Variants in TBC1D9B observed in about 807,000 individuals in gnomAD.
The protein encoded by TBC1D9B is TBC1 domain family, member 9B (with GRAM domain).
A neutral mutation model predicts 121.1 loss-of-function variants in TBC1D9B; 87 were observed. The observed-to-expected ratio is 0.72, with a 90% CI of 0.60 to 0.86. The LOEUF is 0.86. Ranked by LOEUF, TBC1D9B falls within the 40% of genes least tolerant of loss-of-function variation. TBC1D9B has a pLI of 0.00. For missense variants in TBC1D9B, 1,540 were observed against 1,628.6 expected, an observed-to-expected ratio of 0.95 and a Z score of 0.94; for synonymous variants, 668 against 670.1, an observed-to-expected ratio of 1.00 and a Z score of 0.05.
chr5:179,863,763 A>G lies in TBC1D9B; in HGVS notation c.3387T>C (p.Asp1129=), dbSNP rs771023117. ...ACATGGACATGTCGTCTTTGGTTTC[A>G]TCGTCAGACAGCAGCTGGGAGGGTG... The part of the protein sequence containing the change: ...QGSPSQLLSD[D]ETKDDMSMSS... Residue 1129 remains aspartate, a synonymous_variant, in exon 21 of 21, where the codon GAT becomes GAC. Coordinates refer to ENST00000355235, the MANE Select transcript of TBC1D9B (RefSeq NM_015043.4). The surrounding 1 kb of genome is among the most constrained non-coding windows in gnomAD (Gnocchi z 4.5). 1.2e-6 allele frequency: 2 copies of G among 1,613,452 alleles called. No individual in the cohort carries two copies. Among genetic ancestry groups the G allele is most frequent in the East Asian group, 2.2e-5 (1 of 44,842 alleles).
Position 179,870,362 on chromosome 5 carries a change from G to A in TBC1D9B, c.2618C>T (p.Pro873Leu). 6.2e-7 allele frequency: 1 copy of A among 1,613,880 alleles called. No homozygotes were observed. Among genetic ancestry groups the A allele is most frequent in the South Asian group, 1.1e-5 (1 of 91,080 alleles). ...QFRELFASLT[P>L]WACGSHTPLL... ...AGGTGTGTGGGAGCCACAGGCCCAG[G>A]GTGTCAGGCTGGCAAAGAGTTCCCG... Residue 873 changes from proline to leucine, a missense_variant, in exon 16 of 21, where the codon CCC becomes CTC. Coordinates refer to ENST00000355235, the MANE Select transcript of TBC1D9B (RefSeq NM_015043.4).
intron 2 of TBC1D9B, among the ~76,000 whole-genome samples, chr5:179,900,901 C>T (rs534035673): frequency 2.0e-5 from 3 of 152,314 alleles, no homozygotes; most frequent in African/African-American, 7.2e-5. Flanking sequence ...ACCTTCCTTC[C>T]CTCCCTGACC....
intron 3 of TBC1D9B, among the ~76,000 whole-genome samples, chr5:179,897,040 G>C (rs1224283647): frequency 6.6e-6 from 1 of 151,894 alleles, no homozygotes; most frequent in Admixed American, 6.6e-5. Flanking sequence ...CCGAGTAGCT[G>C]GGACTACAGG....
chr5:179,897,502 T>C (rs1761055240), intron 3 of TBC1D9B, among the ~76,000 whole-genome samples: 2 of 152,026 alleles, frequency 1.3e-5, no homozygotes, highest in Admixed American at 1.3e-4. Context: ...ATATTTTTAG[T>C]AGAGACAGGG....
At chr5:179,903,807 A>G (rs898988171) in intron 2 of TBC1D9B, among the ~76,000 whole-genome samples, 16 of 152,190 alleles carry the variant, frequency 1.1e-4, no homozygotes, top group African/African-American at 3.9e-4. Context: ...AGTCATCAGC[A>G]ACGAGCACAA....
At chr5:179,867,457 A>G in intron 18 of TBC1D9B, 1 of 1,557,378 alleles carries the variant, frequency 6.4e-7, no homozygotes. Context: ...TGAGCCTCCC[A>G]GGGCAGGAAA....
Position 179,875,270 on chromosome 5 carries a change from C to T in TBC1D9B, c.1901-83G>A. On this transcript the variant is annotated intron_variant, in intron 11 of 20. Coordinates refer to ENST00000355235, the MANE Select transcript of TBC1D9B (RefSeq NM_015043.4). The surrounding 1 kb of genome is among the most constrained non-coding windows in gnomAD (Gnocchi z 4.5). ...TCACCTGCAGCGTACGAGCCCTGGC[C>T]ACTCCAGCCCTGCCAGCTGTGCAGT... 1.3e-6 allele frequency: 2 copies of T among 1,501,072 alleles called. No homozygotes were observed. Among genetic ancestry groups the T allele is most frequent in the Non-Finnish European group, 1.8e-6 (2 of 1,123,660 alleles). The allele number at this position is 1,501,072 out of a possible 1,614,324, so 93.0% of individuals were successfully genotyped here. A position where few individuals can be genotyped will look rare whatever the true frequency, so the allele number is the denominator to read the frequency against.
intron 7 of TBC1D9B, among the ~76,000 whole-genome samples, chr5:179,881,307 C>T (rs1301017942): frequency 1.3e-5 from 2 of 152,190 alleles, no homozygotes; most frequent in Non-Finnish European, 2.9e-5. Flanking sequence ...AAACCACTTG[C>T]CATCCTTGCA....
intron 7 of TBC1D9B, among the ~76,000 whole-genome samples, chr5:179,887,226 T>G (rs905137324): frequency 2.0e-5 from 3 of 152,212 alleles, no homozygotes; most frequent in Non-Finnish European, 2.9e-5. Flanking sequence ...GGCCGCTGGA[T>G]CCAGGCATAT....
At chr5:179,888,604 A>C (rs1218823611) in intron 6 of TBC1D9B, among the ~76,000 whole-genome samples, 1 of 152,166 alleles carries the variant, frequency 6.6e-6, no homozygotes, top group African/African-American at 2.4e-5. Context: ...ACTGGCTCTC[A>C]GAAGGCTGTC....
chr5:179,895,361 T>C (rs1166940224), intron 3 of TBC1D9B, among the ~76,000 whole-genome samples: 1 of 152,232 alleles, frequency 6.6e-6, no homozygotes, highest in Non-Finnish European at 1.5e-5. Flanking sequence ...TGTTTTCCTC[T>C]TTCCCCCTTT....
In TBC1D9B at chr5:179,902,305, G is replaced by A. The variant is rs1441373730; in HGVS notation, c.229+2397C>T. 6.6e-6 allele frequency among the ~76,000 whole-genome samples: 1 copy of A among 152,234 alleles called. No individual in the cohort carries two copies. Among genetic ancestry groups the A allele is most frequent in the South Asian group, 2.1e-4 (1 of 4,836 alleles). On this transcript the variant is annotated intron_variant, in intron 2 of 20. Coordinates refer to ENST00000355235, the MANE Select transcript of TBC1D9B (RefSeq NM_015043.4). The surrounding 1 kb of genome is among the most constrained non-coding windows in gnomAD (Gnocchi z 4.9). ...TGTGGCTCCTCCAGGCCCTGCAGCTGTGTGGTCCGGCTGAAGGCCAGGCTG... is the reference window on the plus strand; with the variant it reads ...TGTGGCTCCTCCAGGCCCTGCAGCTATGTGGTCCGGCTGAAGGCCAGGCTG...
intron 2 of TBC1D9B, among the ~76,000 whole-genome samples, chr5:179,903,390 G>A (rs1761216230): frequency 6.6e-6 from 1 of 152,178 alleles, no homozygotes; most frequent in African/African-American, 2.4e-5. Context: ...CGCTGAAAGG[G>A]GACTTCCCTC....
intron 16 of TBC1D9B, 96 bp downstream of exon 16, chr5:179,870,159 C>A: frequency 6.5e-7 from 1 of 1,548,466 alleles, no homozygotes; most frequent in Non-Finnish European, 8.8e-7. Flanking sequence ...CCCCTACTTG[C>A]TGCAGGGGGA....
rs952389788 is a variant in TBC1D9B at position 179,863,910 on chromosome 5, C to T, written c.3240G>A (p.Arg1080=). The change falls in exon 21 of 21, where the codon AGG becomes AGA. Residue 1080 remains arginine, a synonymous_variant. Coordinates refer to ENST00000355235, the MANE Select transcript of TBC1D9B (RefSeq NM_015043.4). This position sits in a 1 kb window ranked among gnomAD's most constrained non-coding sequence, Gnocchi z 4.5. The part of the protein sequence containing the change: ...PAPELHQDAA[R]ELQPPAAGDP... ...CTCCTGCAGCTGGGGGCTGAAGCTC[C>T]CTGGCTGCGTCCTGATGCAGTTCGG... is the stretch of plus-strand genomic sequence containing the variant. 1 of 1,613,690 alleles carries T rather than the reference C, an allele frequency of 6.2e-7. No homozygotes were observed.
intron 7 of TBC1D9B, 124 bp downstream of exon 7, chr5:179,887,979 C>T (rs563531499): frequency 1.6e-6 from 2 of 1,224,104 alleles, no homozygotes; most frequent in African/African-American, 1.5e-5. Context: ...AGCTCTGACA[C>T]ATCCACCCCT....
Position 179,907,833 on chromosome 5 carries a change from T to C in TBC1D9B, c.-12A>G. On this transcript the variant is annotated 5_prime_UTR_variant, in exon 1 of 21. Coordinates refer to ENST00000355235, the MANE Select transcript of TBC1D9B (RefSeq NM_015043.4). The surrounding 1 kb of genome is among the most constrained non-coding windows in gnomAD (Gnocchi z 5.3). ...GGGCTCAGCCACATCGCGGAGCCGC[T>C]CGCACCGGGCCGAGGCCCGCGAGAC... The C allele has an allele frequency of 8.8e-7, 1 of 1,135,452 alleles. No homozygotes were observed. Among genetic ancestry groups the C allele is most frequent in the Non-Finnish European group, 1.1e-6 (1 of 907,654 alleles). 70.3% of individuals were successfully genotyped at this position (1,135,452 alleles called of 1,614,324 possible).
intron 8 of TBC1D9B, 173 bp downstream of exon 8, chr5:179,879,454 GC>G (rs1300956756): frequency 1.8e-6 from 2 of 1,110,194 alleles, no homozygotes; most frequent in Non-Finnish European, 2.6e-6. Flanking sequence ...GGTCAGCGGA[GC>G]CCCCCAGAGA....
intron 4 of TBC1D9B, among the ~76,000 whole-genome samples, chr5:179,893,682 T>C (rs1473258001): frequency 1.3e-5 from 2 of 149,668 alleles, no homozygotes; most frequent in Non-Finnish European, 3.0e-5. Context: ...ACACGGTGAG[T>C]GTCTCCCCCA....
Sources: gnomAD v4.1 joint callset for allele counts (sites outside exome capture counted in the v4.1 genomes callset) on GRCh38, gnomAD v4.1.1 for gene constraint, Gnocchi (gnomAD v3.1) non-coding constraint, MANE v1.5 for transcripts, NCBI Gene and HGNC (gene_info 2026-07-23, HGNC 2026-07-21) for gene names.